Variants in EFCAB11 observed in about 807,000 individuals in gnomAD.
EFCAB11 encodes EF-hand calcium binding domain 11, also known as EF-hand calcium-binding domain-containing protein 11.
A neutral mutation model predicts 23.0 loss-of-function variants in EFCAB11; 14 were observed. That is an observed-to-expected ratio of 0.61 (90% CI 0.40 to 0.95). The LOEUF is 0.95. Among genes scored for constraint, EFCAB11 ranks in the 40% least tolerant of loss-of-function variants. The pLI, the probability that EFCAB11 is intolerant of heterozygous loss-of-function variation, is 0.00. For synonymous variants in EFCAB11, 65 were observed against 66.6 expected (o/e 0.98, Z 0.11); for missense variants, 198 against 195.8 (o/e 1.01, Z -0.07).
At chr14:89,819,957 A>G (rs1160350255) in intron 5 of EFCAB11, among the ~76,000 whole-genome samples, 1 of 152,204 alleles carries the variant, frequency 6.6e-6, no homozygotes. Context: ...GGAAATCCCA[A>G]TCCAACAATA....
intron 5 of EFCAB11, among the ~76,000 whole-genome samples, chr14:89,850,608 G>A (rs1887573722): frequency 6.6e-6 from 1 of 152,162 alleles, no homozygotes; most frequent in Non-Finnish European, 1.5e-5. Flanking sequence ...CTTTACATTT[G>A]TTTTAAACCT....
chr14:89,892,276 C>T, intron 5 of EFCAB11: 4 of 1,613,704 alleles, frequency 2.5e-6, no homozygotes, highest in Non-Finnish European at 3.4e-6. Flanking sequence ...TTAAAAACAA[C>T]TGCAATGTGG....
chr14:89,839,690 A>T (rs1269573614), intron 5 of EFCAB11, among the ~76,000 whole-genome samples: 1 of 152,072 alleles, frequency 6.6e-6, no homozygotes, highest in Admixed American at 6.6e-5. Flanking sequence ...CACAGCCTAT[A>T]CAAGAAGCAT....
At chr14:89,826,672 C>T (rs1886701575) in intron 5 of EFCAB11, among the ~76,000 whole-genome samples, 1 of 152,002 alleles carries the variant, frequency 6.6e-6, no homozygotes, top group Non-Finnish European at 1.5e-5. Flanking sequence ...CCAGATATGA[C>T]TTGAGCTGAG....
At chr14:89,851,404 A>C (rs1470321371) in intron 5 of EFCAB11, among the ~76,000 whole-genome samples, 1 of 152,238 alleles carries the variant, frequency 6.6e-6, no homozygotes, top group African/African-American at 2.4e-5. Flanking sequence ...GTTCACAAAA[A>C]GAGAGAAAAT....
At chr14:89,943,127 A>G (rs1890848854) in intron 3 of EFCAB11, among the ~76,000 whole-genome samples, 1 of 152,172 alleles carries the variant, frequency 6.6e-6, no homozygotes, top group Non-Finnish European at 1.5e-5. Flanking sequence ...GTTCCGAAGT[A>G]AGAAGAACAA....
At chr14:89,815,993 C>CA in intron 5 of EFCAB11, among the ~76,000 whole-genome samples, 1 of 152,164 alleles carries the variant, frequency 6.6e-6, no homozygotes, top group East Asian at 1.9e-4. Flanking sequence ...GACATTTTCA[C>CA]AATATTAATC....
At position 89,951,511 on chromosome 14, in the gene EFCAB11, T is replaced by C. The variant is rs377321416; in HGVS notation, c.172-1369A>G. Among the ~76,000 whole-genome samples the C allele has an allele frequency of 8.5e-5, 13 of 152,342 alleles. No individual in the cohort carries two copies. In the East Asian group the frequency reaches 1.2e-3, roughly 14 times the overall value. On this transcript the variant is annotated intron_variant, in intron 2 of 5. Transcript: ENST00000316738. ...TATCTATCACAGTTTTATGTCTTTCTATATTAAACTCTGAACTGCTTCGAA... is the reference window on the plus strand; with the variant it reads ...TATCTATCACAGTTTTATGTCTTTCCATATTAAACTCTGAACTGCTTCGAA...
chr14:89,805,201 C>T (rs1885928046), intron 5 of EFCAB11, among the ~76,000 whole-genome samples: 1 of 152,212 alleles, frequency 6.6e-6, no homozygotes, highest in Admixed American at 6.5e-5. Flanking sequence ...TCCCCAACTT[C>T]CATCTTACCT....
intron 5 of EFCAB11, among the ~76,000 whole-genome samples, chr14:89,847,345 A>G (rs1887460317): frequency 6.6e-6 from 1 of 152,096 alleles, no homozygotes; most frequent in African/African-American, 2.4e-5. Context: ...CCAGTACCTC[A>G]TTCAAACCTA....
chr14:89,802,658 G>T (rs1309906181), intron 5 of EFCAB11, among the ~76,000 whole-genome samples: 2 of 152,172 alleles, frequency 1.3e-5, no homozygotes. Flanking sequence ...CTCCCATAGT[G>T]CTGGGATTAT....
At chr14:89,855,296 C>T (rs998240047) in intron 5 of EFCAB11, among the ~76,000 whole-genome samples, 1 of 151,396 alleles carries the variant, frequency 6.6e-6, no homozygotes, top group Non-Finnish European at 1.5e-5. Context: ...GGCAACGTGG[C>T]GAAACCCCAT....
At chr14:89,893,871 A>C (rs1990331731) in intron 5 of EFCAB11, among the ~76,000 whole-genome samples, 1 of 151,948 alleles carries the variant, frequency 6.6e-6, no homozygotes. Flanking sequence ...TATTAAAACT[A>C]TACATACATA....
intron 5 of EFCAB11, among the ~76,000 whole-genome samples, chr14:89,865,028 C>T (rs971736729): frequency 6.6e-6 from 1 of 152,180 alleles, no homozygotes; most frequent in African/African-American, 2.4e-5. Flanking sequence ...GGCTTGTGAC[C>T]GTCCTGAGTA....
intron 5 of EFCAB11, among the ~76,000 whole-genome samples, chr14:89,866,589 T>C (rs1888098690): frequency 6.6e-6 from 1 of 152,164 alleles, no homozygotes; most frequent in Admixed American, 6.5e-5. Context: ...TTGCCTAAAA[T>C]GCTCTCCTAA....
At position 89,950,141 on chromosome 14, in the gene EFCAB11, A is replaced by G. The variant is rs772886575; in HGVS notation, c.173T>C (p.Ile58Thr). Residue 58 changes from isoleucine (I) to threonine (T), a missense_variant and splice_region_variant, in exon 3 of 6, where the codon ATA becomes ACA. Ile to Thr is a moderately conservative substitution (Grantham distance 89, BLOSUM62 -1). Transcript: ENST00000316738. ...VMLFGYKPSK[I>T]EVDSVMSSIN... is the part of the protein sequence containing the mutation. ...TGAAGACATCACAGAATCCACTTCT[A>G]TCTAGAAAAGAGGAAAAAATAATAG... 2 of 1,558,016 alleles carry G rather than the reference A, an allele frequency of 1.3e-6. No individual in the cohort carries two copies. The highest frequency in any genetic ancestry group is 2.3e-5 in the South Asian group (2 of 88,284).
intron 5 of EFCAB11, among the ~76,000 whole-genome samples, chr14:89,930,798 G>C (rs532122613): frequency 5.9e-5 from 9 of 152,204 alleles, no homozygotes; most frequent in Admixed American, 5.2e-4. Flanking sequence ...CCGTTCTTTT[G>C]GGTTTTCTGG....
chr14:89,801,516 G>A (rs1049902821), intron 5 of EFCAB11, among the ~76,000 whole-genome samples: 2 of 152,164 alleles, frequency 1.3e-5, no homozygotes, highest in Non-Finnish European at 2.9e-5. Context: ...CTTGGGAAGT[G>A]CTTCATAATC....
intron 3 of EFCAB11, among the ~76,000 whole-genome samples, chr14:89,935,601 A>G (rs74581802): frequency 0.063 from 9,551 of 152,222 alleles, 962 homozygotes; most frequent in African/African-American, 0.22. Flanking sequence ...TAGAGCAGGT[A>G]TAATGGCTCA....
Sources: gnomAD v4.1 joint callset for allele counts (sites outside exome capture counted in the v4.1 genomes callset) on GRCh38, gnomAD v4.1.1 for gene constraint, MANE v1.5 for transcripts, NCBI Gene and HGNC (gene_info 2026-07-23, HGNC 2026-07-21) for gene names.